Variants in ZFHX4 observed in about 807,000 individuals in gnomAD.
ZFHX4 encodes the protein zinc finger homeobox protein 4.
In ZFHX4, 56 loss-of-function variants were observed where a neutral mutation model predicts 267.6. That is an observed-to-expected ratio of 0.21 (90% CI 0.17 to 0.26). ZFHX4 has a LOEUF of 0.26. Ranked by LOEUF, ZFHX4 falls within the 10% of genes least tolerant of loss-of-function variation. The pLI, the probability that ZFHX4 is intolerant of heterozygous loss-of-function variation, is 1.00. For missense variants in ZFHX4, 4,332 were observed against 4,420.0 expected (o/e 0.98, Z 0.56); for synonymous variants, 1,778 against 1,665.6 (o/e 1.07, Z -1.64).
intron 4 of ZFHX4, among the ~76,000 whole-genome samples, chr8:76,829,315 G>C (rs1452018346): frequency 6.6e-6 from 1 of 151,818 alleles, no homozygotes; most frequent in Non-Finnish European, 1.5e-5. Flanking sequence ...TTGCCAGATG[G>C]GAACTTGATG....
chr8:76,707,606 T>C lies in ZFHX4; in HGVS notation c.2651T>C (p.Leu884Pro), dbSNP rs1371281236. The change falls in exon 3 of 11, where the codon CTG becomes CCG. Residue 884 changes from leucine to proline, a missense_variant. By Grantham distance (98) the Leu-to-Pro change is moderately conservative. Coordinates refer to ENST00000651372, the MANE Select transcript of ZFHX4 (RefSeq NM_024721.5). ...LASGQLMGDD[L>P]SLLTAGELSP... ...AGTGGTCAGCTAATGGGTGATGACC[T>C]GTCCCTCCTTACTGCAGGAGAGCTG... 1.9e-6 allele frequency: 3 copies of C among 1,613,598 alleles called. No individual in the cohort carries two copies. In the African/African-American group the frequency reaches 4.0e-5, roughly 22 times the overall value.
At chr8:76,807,469 A>G (rs1811273331) in intron 4 of ZFHX4, among the ~76,000 whole-genome samples, 1 of 152,104 alleles carries the variant, frequency 6.6e-6, no homozygotes, top group Admixed American at 6.6e-5. Flanking sequence ...ATGTCAGTAA[A>G]TGAGTAGGGG....
At chr8:76,715,366 C>A (rs1056126902) in intron 3 of ZFHX4, among the ~76,000 whole-genome samples, 7 of 151,408 alleles carry the variant, frequency 4.6e-5, no homozygotes, top group Non-Finnish European at 1.0e-4. Flanking sequence ...CCTGTAGTCC[C>A]AGCTACTCGG....
chr8:76,811,492 G>T (rs981323473), intron 4 of ZFHX4, among the ~76,000 whole-genome samples: 1 of 152,110 alleles, frequency 6.6e-6, no homozygotes, highest in Non-Finnish European at 1.5e-5. Context: ...CTCTGTTAGA[G>T]CCAATCTTTC....
intron 4 of ZFHX4, among the ~76,000 whole-genome samples, chr8:76,823,000 T>C (rs574928493): frequency 1.3e-5 from 2 of 152,306 alleles, no homozygotes; most frequent in South Asian, 2.1e-4. Flanking sequence ...GAGCTTATCA[T>C]CTTTTCTCTT....
intron 4 of ZFHX4, among the ~76,000 whole-genome samples, chr8:76,781,428 A>C (rs1810543058): frequency 6.6e-6 from 1 of 152,080 alleles, no homozygotes; most frequent in African/African-American, 2.4e-5. Flanking sequence ...AATATGTACT[A>C]TAGGACTGGG....
chr8:76,770,061 G>C (rs1052715796), intron 3 of ZFHX4, among the ~76,000 whole-genome samples: 1 of 152,088 alleles, frequency 6.6e-6, no homozygotes, highest in African/African-American at 2.4e-5. Context: ...ATTCCACCAG[G>C]CAAATGGGAA....
chr8:76,787,464 T>G (rs1810720970), intron 4 of ZFHX4, among the ~76,000 whole-genome samples: 1 of 151,890 alleles, frequency 6.6e-6, no homozygotes, highest in Non-Finnish European at 1.5e-5. Flanking sequence ...GTAGCACAGT[T>G]TGGCTGAGAT....
intron 4 of ZFHX4, among the ~76,000 whole-genome samples, chr8:76,826,518 G>C (rs147005208): frequency 6.6e-6 from 1 of 152,112 alleles, no homozygotes; most frequent in East Asian, 1.9e-4. Flanking sequence ...TTTGAAAAAC[G>C]TAGTAACTGT....
chr8:76,864,342 C>A lies in ZFHX4; in HGVS notation c.10628C>A (p.Ser3543Tyr), dbSNP rs748989338. The A allele has an allele frequency of 6.2e-7, 1 of 1,613,726 alleles. No individual in the cohort carries two copies. Among genetic ancestry groups the A allele is most frequent in the Admixed American group, 1.7e-5 (1 of 59,978 alleles). ...GCCAGGAGAGCTGCTTCTCCCCCTTCTTCTCCTCCTTCCCTTTCCTTGCCT... is the reference window on the plus strand; with the variant it reads ...GCCAGGAGAGCTGCTTCTCCCCCTTATTCTCCTCCTTCCCTTTCCTTGCCT... The part of the protein sequence containing the change: ...ASARRAASPP[S>Y]SPPSLSLPST... The change falls in exon 11 of 11, where the codon TCT becomes TAT. Residue 3543 changes from serine to tyrosine, a missense_variant. This residue lies in a region of ZFHX4 where 1,648 missense variants were observed against 1,625.0 expected (regional missense o/e 1.01). Coordinates refer to ENST00000651372, the MANE Select transcript of ZFHX4 (RefSeq NM_024721.5).
At chr8:76,794,182 G>A (rs191170657) in intron 4 of ZFHX4, among the ~76,000 whole-genome samples, 2 of 152,146 alleles carry the variant, frequency 1.3e-5, no homozygotes, top group African/African-American at 4.8e-5. Flanking sequence ...CTCAATTTTA[G>A]GCATCTTCTT....
At chr8:76,801,720 A>G (rs1319075276) in intron 4 of ZFHX4, among the ~76,000 whole-genome samples, 1 of 152,190 alleles carries the variant, frequency 6.6e-6, no homozygotes, top group Admixed American at 6.6e-5. Context: ...GTGTGCTCAC[A>G]TTGATTGAAC....
chr8:76,794,886 T>C (rs1016667827), intron 4 of ZFHX4, among the ~76,000 whole-genome samples: 4 of 151,760 alleles, frequency 2.6e-5, no homozygotes, highest in African/African-American at 9.7e-5. Context: ...TGTGTGTGTG[T>C]GTGTGTGTGT....
At position 76,863,957 on chromosome 8, in the gene ZFHX4, G is replaced by A. The variant is rs774313293; in HGVS notation, c.10243G>A (p.Glu3415Lys). The A allele has an allele frequency of 5.0e-6, 8 of 1,609,830 alleles. No individual in the cohort carries two copies. The highest frequency in any genetic ancestry group is 6.8e-6 in the Non-Finnish European group (8 of 1,177,894). Residue 3415 changes from glutamate (E) to lysine (K), a missense_variant, in exon 11 of 11, where the codon GAA becomes AAA. Coordinates refer to ENST00000651372, the MANE Select transcript of ZFHX4 (RefSeq NM_024721.5). ...CRKCQMMFTD[E>K]DAAVNHQKSF... ...AAAGTGCCAGATGATGTTTACTGAT[G>A]AAGACGCCGCAGTAAATCATCAAAA...
chr8:76,758,554 G>A (rs886201076), intron 3 of ZFHX4, among the ~76,000 whole-genome samples: 1 of 152,134 alleles, frequency 6.6e-6, no homozygotes, highest in African/African-American at 2.4e-5. Context: ...GAGTGCAGTA[G>A]CACGATCTCA....
chr8:76,863,963 G>C lies in ZFHX4; in HGVS notation c.10249G>C (p.Ala3417Pro). 1 of 1,611,250 alleles carries C rather than the reference G, an allele frequency of 6.2e-7. No homozygotes were observed. ...CCAGATGATGTTTACTGATGAAGAC[G>C]CCGCAGTAAATCATCAAAAGTCCTT... Reference protein sequence around the residue: ...KCQMMFTDEDAAVNHQKSFCY... With the variant: ...KCQMMFTDEDPAVNHQKSFCY... The change falls in exon 11 of 11, where the codon GCC (alanine) becomes CCC (proline). Residue 3417 changes from alanine to proline, a missense_variant. By Grantham distance (27) the Ala-to-Pro change is conservative (BLOSUM62 -1). Coordinates refer to ENST00000651372, the MANE Select transcript of ZFHX4 (RefSeq NM_024721.5).
chr8:76,815,619 A>C (rs2131852794), intron 4 of ZFHX4, among the ~76,000 whole-genome samples: 1 of 152,200 alleles, frequency 6.6e-6, no homozygotes, highest in African/African-American at 2.4e-5. Context: ...CTCCTGCCTC[A>C]GCCTCTGGGA....
chr8:76,762,119 A>T (rs1219570702), intron 3 of ZFHX4, among the ~76,000 whole-genome samples: 2 of 152,342 alleles, frequency 1.3e-5, no homozygotes, highest in South Asian at 4.1e-4. Context: ...AGATACCATC[A>T]TGAATGAGTA....
At chr8:76,711,152 T>C (rs1211893838) in intron 3 of ZFHX4, among the ~76,000 whole-genome samples, 3 of 152,170 alleles carry the variant, frequency 2.0e-5, no homozygotes, top group African/African-American at 7.2e-5. Context: ...TTGCTAATGA[T>C]GACTGCAAAA....
Sources: gnomAD v4.1 joint callset for allele counts (sites outside exome capture counted in the v4.1 genomes callset) on GRCh38, gnomAD v4.1.1 for gene constraint, gnomAD v4.1.1 regional missense constraint, MANE v1.5 for transcripts, NCBI Gene and HGNC (gene_info 2026-07-23, HGNC 2026-07-21) for gene names.